TEAD1: variants seen among roughly 807,000 people sequenced by gnomAD.
TEAD1 encodes transcriptional enhancer factor TEF-1.
A neutral mutation model predicts 54.9 loss-of-function variants in TEAD1; 9 were observed. The observed-to-expected ratio is 0.16, with a 90% confidence interval of 0.10 to 0.29. The LOEUF is 0.29. Ranked by LOEUF, TEAD1 falls within the 10% of genes least tolerant of loss-of-function variation. The pLI, the probability that TEAD1 is intolerant of heterozygous loss-of-function variation, is 1.00. For synonymous variants in TEAD1, 200 were observed against 187.8 expected (o/e 1.07, Z -0.53); for missense variants, 387 against 535.9 (o/e 0.72, Z 2.74).
intron 3 of TEAD1, among the ~76,000 whole-genome samples, chr11:12,817,864 A>T (rs1308726556): frequency 1.3e-5 from 2 of 152,236 alleles, no homozygotes; most frequent in Non-Finnish European, 2.9e-5. Context: ...TCAGATTGTT[A>T]TAATTATTTA....
chr11:12,852,035 G>A (rs998835642), intron 3 of TEAD1, among the ~76,000 whole-genome samples: 9 of 152,174 alleles, frequency 5.9e-5, no homozygotes, highest in African/African-American at 2.2e-4. Flanking sequence ...CATTGGGGAG[G>A]AAGTGTTCCA....
At chr11:12,828,450 G>A (rs1329713025) in intron 3 of TEAD1, 1 of 152,140 alleles carries the variant, frequency 6.6e-6, no homozygotes, top group Non-Finnish European at 1.5e-5. Context: ...CAAGTTAGAA[G>A]GGTGTGTTGA....
At chr11:12,718,989 T>A (rs1362478668) in intron 2 of TEAD1, among the ~76,000 whole-genome samples, 3 of 151,586 alleles carry the variant, frequency 2.0e-5, no homozygotes, top group Non-Finnish European at 2.9e-5. Flanking sequence ...TTGAAAACTT[T>A]GGGGTTTTTT....
At chr11:12,707,630 A>G (rs1452188817) in intron 2 of TEAD1, among the ~76,000 whole-genome samples, 2 of 152,204 alleles carry the variant, frequency 1.3e-5, no homozygotes, top group African/African-American at 2.4e-5. Flanking sequence ...AGAGAGAGAG[A>G]GGGTGATAGC....
chr11:12,689,182 T>G (rs561261278), intron 2 of TEAD1, among the ~76,000 whole-genome samples: 1 of 152,276 alleles, frequency 6.6e-6, no homozygotes, highest in East Asian at 1.9e-4. Context: ...TCTTATCACT[T>G]TAAGATCTCA....
At chr11:12,705,991 G>C (rs1003188329) in intron 2 of TEAD1, among the ~76,000 whole-genome samples, 2 of 152,204 alleles carry the variant, frequency 1.3e-5, no homozygotes, top group African/African-American at 4.8e-5. Context: ...AGTATAAATA[G>C]AGGGAGTTCC....
At chr11:12,888,911 G>T (rs770445935) in intron 9 of TEAD1, among the ~76,000 whole-genome samples, 11 of 152,136 alleles carry the variant, frequency 7.2e-5, no homozygotes, top group African/African-American at 2.4e-4. Flanking sequence ...GCCCAGGGCC[G>T]TAAGGAGCTA....
At chr11:12,859,564 G>A (rs1454128192) in intron 3 of TEAD1, among the ~76,000 whole-genome samples, 1 of 152,216 alleles carries the variant, frequency 6.6e-6, no homozygotes, top group Non-Finnish European at 1.5e-5. Context: ...CCATCTGAGA[G>A]ATGGAGAAGT....
intron 2 of TEAD1, among the ~76,000 whole-genome samples, chr11:12,741,087 T>A (rs1944641269): frequency 6.6e-6 from 1 of 152,228 alleles, no homozygotes; most frequent in Non-Finnish European, 1.5e-5. Flanking sequence ...CTTTTTATTT[T>A]CATTTTGTGT....
chr11:12,694,587 G>A (rs567495664), intron 2 of TEAD1, among the ~76,000 whole-genome samples: 10 of 152,258 alleles, frequency 6.6e-5, no homozygotes, highest in African/African-American at 1.7e-4. Flanking sequence ...CTTTGTGTAC[G>A]TACCCAAGTC....
chr11:12,836,597 T>C (rs1430802588), intron 3 of TEAD1, among the ~76,000 whole-genome samples: 2 of 152,172 alleles, frequency 1.3e-5, no homozygotes, highest in Non-Finnish European at 2.9e-5. Flanking sequence ...TGGAACCTGG[T>C]AAACTTTAGG....
At chr11:12,829,271 AATT>A (rs1221718668) in intron 3 of TEAD1, among the ~76,000 whole-genome samples, 1 of 152,168 alleles carries the variant, frequency 6.6e-6, no homozygotes, top group Non-Finnish European at 1.5e-5. Context: ...GGCCCAAGGC[AATT>A]GTTCAAAACA....
chr11:12,712,466 T>G (rs1374058628), intron 2 of TEAD1, among the ~76,000 whole-genome samples: 2 of 152,222 alleles, frequency 1.3e-5, no homozygotes, highest in Non-Finnish European at 2.9e-5. Context: ...GCTGTGTGGC[T>G]TCAGGCATGT....
At chr11:12,740,645 A>AG (rs1178217478) in intron 2 of TEAD1, among the ~76,000 whole-genome samples, 1 of 152,164 alleles carries the variant, frequency 6.6e-6, no homozygotes, top group East Asian at 1.9e-4. Flanking sequence ...TGCCAAGCAA[A>AG]GGGGGAAGCC....
chr11:12,705,776 T>A (rs191186482), intron 2 of TEAD1, among the ~76,000 whole-genome samples: 2 of 152,234 alleles, frequency 1.3e-5, no homozygotes, highest in African/African-American at 4.8e-5. Flanking sequence ...CTTTTTACTT[T>A]TATGAGTTAT....
chr11:12,853,536 A>T (rs1159347305), intron 3 of TEAD1, among the ~76,000 whole-genome samples: 1 of 152,224 alleles, frequency 6.6e-6, no homozygotes, highest in Non-Finnish European at 1.5e-5. Context: ...GAAAGTGATT[A>T]TGTGGCGTAT....
chr11:12,802,800 C>T (rs961363229), intron 3 of TEAD1, among the ~76,000 whole-genome samples: 6 of 152,196 alleles, frequency 3.9e-5, no homozygotes, highest in Non-Finnish European at 5.9e-5. Flanking sequence ...CTGCTTGCCC[C>T]GAGCCCTTTG....
At chr11:12,892,329 T>C (rs1948213082) in intron 9 of TEAD1, among the ~76,000 whole-genome samples, 1 of 151,920 alleles carries the variant, frequency 6.6e-6, no homozygotes, top group Non-Finnish European at 1.5e-5. Context: ...GGGATTAGGT[T>C]GGAGACACAA....
chr11:12,818,740 G>T (rs1028918753), intron 3 of TEAD1, among the ~76,000 whole-genome samples: 1 of 152,198 alleles, frequency 6.6e-6, no homozygotes, highest in African/African-American at 2.4e-5. Context: ...GAAATTGTCC[G>T]CAGGTACTTA....
Sources: gnomAD v4.1 joint callset for allele counts (sites outside exome capture counted in the v4.1 genomes callset) on GRCh38, gnomAD v4.1.1 for gene constraint, MANE v1.5 for transcripts, NCBI Gene and HGNC (gene_info 2026-07-23, HGNC 2026-07-21) for gene names.